The following SLC41A2 variants were observed in gnomAD, a reference collection of about 807,000 sequenced individuals.
The protein encoded by SLC41A2 is SLC41A1-like 1.
In SLC41A2, 32 loss-of-function variants were observed where a neutral mutation model predicts 58.3. That is an observed-to-expected ratio of 0.55 (90% confidence interval 0.41 to 0.74). The LOEUF (loss-of-function observed/expected upper bound fraction) is 0.74, where lower values mean the gene tolerates loss of function less well. SLC41A2 is among the 30% of genes least tolerant of loss of function. The pLI is 0.00. For missense variants in SLC41A2, 514 were observed against 680.6 expected (o/e 0.76, Z 2.72); for synonymous variants, 190 against 235.0 (o/e 0.81, Z 1.75).
chr12:104,891,607 A>G (rs925014863), intron 4 of SLC41A2, among the ~76,000 whole-genome samples: 4 of 151,496 alleles, frequency 2.6e-5, no homozygotes, highest in African/African-American at 9.7e-5. Context: ...AAAAGATCTT[A>G]GACATCTCTA....
chr12:104,887,749 G>T lies in SLC41A2; in HGVS notation c.880+1284C>A, dbSNP rs1032065113. Among the ~76,000 whole-genome samples, 3 of 152,058 alleles carry T rather than the reference G, an allele frequency of 2.0e-5. No homozygotes were observed. The South Asian group carries it at 6.2e-4, about 32-fold the overall frequency. On this transcript the variant is annotated intron_variant, in intron 5 of 10. Coordinates refer to ENST00000258538, the MANE Select transcript of SLC41A2 (RefSeq NM_001352171.3). ...CATAGTCCAGTGGAAAGAGCTAAGAGTTAGGAAACGTGTTTTAGTTCTGAT... is the reference window on the plus strand; with the variant it reads ...CATAGTCCAGTGGAAAGAGCTAAGATTTAGGAAACGTGTTTTAGTTCTGAT...
intron 1 of SLC41A2, among the ~76,000 whole-genome samples, chr12:104,932,907 T>G (rs191133917): frequency 6.6e-6 from 1 of 152,098 alleles, no homozygotes; most frequent in African/African-American, 2.4e-5. Flanking sequence ...GACTTAAATC[T>G]AATACCTAAA....
chr12:104,852,876 C>T (rs2042853358), intron 8 of SLC41A2, among the ~76,000 whole-genome samples: 1 of 152,206 alleles, frequency 6.6e-6, no homozygotes, highest in South Asian at 2.1e-4. Context: ...TAATGACATA[C>T]ACTATGTTTC....
chr12:104,813,494 T>C (rs1183064909), intron 10 of SLC41A2, among the ~76,000 whole-genome samples: 2 of 152,094 alleles, frequency 1.3e-5, no homozygotes, highest in East Asian at 1.9e-4. Context: ...AAATTAGCAA[T>C]CCAAACAAAA....
chr12:104,848,440 A>G (rs2042685214), intron 8 of SLC41A2, among the ~76,000 whole-genome samples: 2 of 152,132 alleles, frequency 1.3e-5, no homozygotes, highest in Non-Finnish European at 2.9e-5. Flanking sequence ...AAGAAAGCAT[A>G]AAGAGGGAAT....
intron 1 of SLC41A2, among the ~76,000 whole-genome samples, chr12:104,936,306 T>A (rs1216339931): frequency 2.0e-5 from 3 of 152,204 alleles, no homozygotes; most frequent in African/African-American, 7.2e-5. Context: ...CTCCTTTGTG[T>A]GCTACTGGCC....
intron 10 of SLC41A2, among the ~76,000 whole-genome samples, chr12:104,826,813 G>A (rs997670802): frequency 6.6e-6 from 1 of 152,218 alleles, no homozygotes; most frequent in African/African-American, 2.4e-5. Flanking sequence ...GAGACATTAT[G>A]TCACTTTTGA....
At chr12:104,909,928 G>A (rs529605216) in intron 2 of SLC41A2, among the ~76,000 whole-genome samples, 166 bp from the exon 3 acceptor site, 1 of 152,266 alleles carries the variant, frequency 6.6e-6, no homozygotes, top group East Asian at 1.9e-4. Flanking sequence ...CCATTCTCCT[G>A]AGCTCTGAAG....
At chr12:104,861,225 T>G in intron 8 of SLC41A2, 66 bp downstream of exon 8, 1 of 1,185,054 alleles carries the variant, frequency 8.4e-7, no homozygotes, top group Non-Finnish European at 1.2e-6. Context: ...AGACTTCTAA[T>G]AGTACCTAAG....
chr12:104,815,670 G>A (rs969895126), intron 10 of SLC41A2, among the ~76,000 whole-genome samples: 1 of 152,036 alleles, frequency 6.6e-6, no homozygotes, highest in Non-Finnish European at 1.5e-5. Context: ...AATTAATACA[G>A]TTCTTCCTAA....
intron 1 of SLC41A2, among the ~76,000 whole-genome samples, chr12:104,951,002 A>G (rs944639148): frequency 6.6e-6 from 1 of 152,172 alleles, no homozygotes; most frequent in Non-Finnish European, 1.5e-5. Flanking sequence ...TTGATTCTAC[A>G]TATTTTTATA....
intron 10 of SLC41A2, among the ~76,000 whole-genome samples, chr12:104,814,820 T>C (rs986815037): frequency 3.3e-5 from 5 of 152,126 alleles, no homozygotes; most frequent in Non-Finnish European, 5.9e-5. Context: ...ATTTAAAAGA[T>C]TGTTGGAATA....
chr12:104,811,140 T>C (rs560181250), intron 10 of SLC41A2, among the ~76,000 whole-genome samples: 1 of 152,328 alleles, frequency 6.6e-6, no homozygotes, highest in South Asian at 2.1e-4. Flanking sequence ...GGTCTTCCTG[T>C]TGCTACCCTA....
chr12:104,952,849 C>T (rs2048007037), intron 1 of SLC41A2, among the ~76,000 whole-genome samples: 1 of 152,174 alleles, frequency 6.6e-6, no homozygotes. Context: ...AACACTTCTG[C>T]TCAACCTCAC....
chr12:104,938,057 C>T (rs1405250445), intron 1 of SLC41A2, among the ~76,000 whole-genome samples: 2 of 151,806 alleles, frequency 1.3e-5, no homozygotes, highest in Non-Finnish European at 2.9e-5. Context: ...TCACACTGTA[C>T]ACCGGAAGAC....
chr12:104,902,632 C>G (rs1256715097), intron 3 of SLC41A2, among the ~76,000 whole-genome samples: 1 of 151,982 alleles, frequency 6.6e-6, no homozygotes, highest in Non-Finnish European at 1.5e-5. Flanking sequence ...AAGAAAACCT[C>G]AAATTTAGAG....
intron 5 of SLC41A2, among the ~76,000 whole-genome samples, chr12:104,887,348 T>C (rs1031440747): frequency 6.6e-6 from 1 of 151,950 alleles, no homozygotes; most frequent in Admixed American, 6.6e-5. Flanking sequence ...AAAACTGAGG[T>C]CCTGTAGAGT....
At chr12:104,868,140 A>G (rs1441057057) in intron 6 of SLC41A2, among the ~76,000 whole-genome samples, 1 of 152,144 alleles carries the variant, frequency 6.6e-6, no homozygotes, top group East Asian at 1.9e-4. Flanking sequence ...GATGAAAAAA[A>G]CCTTTTATTT....
intron 10 of SLC41A2, among the ~76,000 whole-genome samples, chr12:104,828,325 C>T (rs549365411): frequency 2.0e-5 from 3 of 152,222 alleles, no homozygotes; most frequent in Non-Finnish European, 2.9e-5. Flanking sequence ...CTGAGAGCTA[C>T]TTCCACTCAA....
Sources: gnomAD v4.1 joint callset for allele counts (sites outside exome capture counted in the v4.1 genomes callset) on GRCh38, gnomAD v4.1.1 for gene constraint, MANE v1.5 for transcripts, NCBI Gene and HGNC (gene_info 2026-07-23, HGNC 2026-07-21) for gene names.